The following RBFOX1 variants were observed in gnomAD, a reference collection of about 807,000 sequenced individuals.
The protein encoded by RBFOX1 is RNA binding fox-1 homolog 1.
In RBFOX1, 8 loss-of-function variants were observed where a neutral mutation model predicts 57.7. The ratio of observed to expected loss-of-function variants is 0.14; its 90% CI spans 0.08 to 0.25. RBFOX1 has a LOEUF of 0.25. Among genes scored for constraint, RBFOX1 ranks in the 10% least tolerant of loss-of-function variants. The pLI, the probability that RBFOX1 is intolerant of heterozygous loss-of-function variation, is 1.00. For synonymous variants in RBFOX1, 326 were observed against 222.4 expected (o/e 1.47, Z -4.15); for missense variants, 611 against 548.5 (o/e 1.11, Z -1.14).
chr16:5,675,484 A>G (rs1296445989), intron 3 of RBFOX1, among the ~76,000 whole-genome samples: 2 of 152,178 alleles, frequency 1.3e-5, no homozygotes, highest in Non-Finnish European at 2.9e-5. Context: ...GAAGAAGACA[A>G]TTGCTCCCCA....
intron 1 of RBFOX1, among the ~76,000 whole-genome samples, chr16:5,380,936 C>T (rs536970536): frequency 6.6e-6 from 1 of 152,324 alleles, no homozygotes; most frequent in African/African-American, 2.4e-5. Context: ...CCTTTTTATG[C>T]ACTAAAATGG....
chr16:6,999,216 A>ATTTTTTTTTTTTTTTTTT (rs374767232), intron 3 of RBFOX1, among the ~76,000 whole-genome samples: 15 of 109,024 alleles, frequency 1.4e-4, no homozygotes, highest in South Asian at 5.4e-4. Context: ...ATTTTTATTT[A>ATTTTTTTTTTTTTTTTTT]TTTTTTTTAT....
intron 2 of RBFOX1, among the ~76,000 whole-genome samples, chr16:6,405,125 G>T (rs1230125588): frequency 2.0e-5 from 3 of 152,132 alleles, no homozygotes; most frequent in East Asian, 3.9e-4. Context: ...TGTAAAATTT[G>T]CACTCTACTC....
intron 4 of RBFOX1, among the ~76,000 whole-genome samples, chr16:7,445,810 C>G (rs2098803422): frequency 6.6e-6 from 1 of 152,172 alleles, no homozygotes; most frequent in Non-Finnish European, 1.5e-5. Flanking sequence ...TCTACAACAA[C>G]AAATATTTAT....
At chr16:7,135,823 G>C (rs1311270460) in intron 4 of RBFOX1, among the ~76,000 whole-genome samples, 1 of 152,178 alleles carries the variant, frequency 6.6e-6, no homozygotes, top group Admixed American at 6.5e-5. Context: ...TAGTCTTTTT[G>C]ACTGCAGATT....
chr16:7,206,462 AATATGCGTGTGTGCATATAT>A (rs2089993087), intron 4 of RBFOX1, among the ~76,000 whole-genome samples: 1 of 150,578 alleles, frequency 6.6e-6, no homozygotes, highest in Non-Finnish European at 1.5e-5. Context: ...TAATATATAT[AATATGCGTGTGTGCATATAT>A]ATATGCACAC....
At chr16:6,596,065 T>G (rs534133167) in intron 2 of RBFOX1, among the ~76,000 whole-genome samples, 6 of 152,214 alleles carry the variant, frequency 3.9e-5, no homozygotes, top group Non-Finnish European at 8.8e-5. Context: ...TCTGTTTCAT[T>G]CTGTGGATTT....
chr16:6,466,222 T>A (rs2095047215), intron 2 of RBFOX1, among the ~76,000 whole-genome samples: 1 of 145,636 alleles, frequency 6.9e-6, no homozygotes, highest in Non-Finnish European at 1.5e-5. Flanking sequence ...AGATTAAAAC[T>A]CTATCTCAAA....
At chr16:5,749,419 C>G (rs1210165093) in intron 3 of RBFOX1, among the ~76,000 whole-genome samples, 1 of 152,120 alleles carries the variant, frequency 6.6e-6, no homozygotes, top group Non-Finnish European at 1.5e-5. Context: ...GCCTGCCATG[C>G]TAGGTTGGGG....
intron 4 of RBFOX1, among the ~76,000 whole-genome samples, chr16:7,417,568 C>T (rs1200219486): frequency 2.5e-5 from 3 of 120,384 alleles, no homozygotes; most frequent in Admixed American, 8.6e-5. Context: ...GTGTTCACTT[C>T]TCTGCAATGT....
intron 4 of RBFOX1, among the ~76,000 whole-genome samples, chr16:5,943,439 T>G (rs972569337): frequency 6.6e-6 from 1 of 152,174 alleles, no homozygotes; most frequent in African/African-American, 2.4e-5. Flanking sequence ...AGGAAACATT[T>G]CTGGGTCAAA....
chr16:6,274,745 G>A (rs1172801105), intron 1 of RBFOX1, among the ~76,000 whole-genome samples: 6 of 152,126 alleles, frequency 3.9e-5, no homozygotes, highest in Non-Finnish European at 8.8e-5. Context: ...TATGAATCTA[G>A]AATTATCTCA....
At chr16:6,684,620 G>C (rs2059155850) in intron 3 of RBFOX1, among the ~76,000 whole-genome samples, 1 of 152,104 alleles carries the variant, frequency 6.6e-6, no homozygotes, top group Admixed American at 6.6e-5. Flanking sequence ...TGAGATGAGG[G>C]GACAGCCACT....
chr16:6,530,370 A>T (rs1387044987), intron 2 of RBFOX1, among the ~76,000 whole-genome samples: 2 of 152,174 alleles, frequency 1.3e-5, no homozygotes, highest in African/African-American at 4.8e-5. Context: ...AGCTTGAGCC[A>T]GTTTGGTGCT....
chr16:6,646,775 G>T (rs905311714), intron 2 of RBFOX1, among the ~76,000 whole-genome samples: 2 of 152,096 alleles, frequency 1.3e-5, no homozygotes, highest in African/African-American at 4.8e-5. Context: ...TCCCGTTTCT[G>T]TTTAGGTTGC....
At chr16:7,226,296 CG>C (rs2093115699) in intron 4 of RBFOX1, among the ~76,000 whole-genome samples, 1 of 152,168 alleles carries the variant, frequency 6.6e-6, no homozygotes, top group Admixed American at 6.5e-5. Flanking sequence ...CTACAAGCTA[CG>C]GAGTTCTCTG....
intron 4 of RBFOX1, among the ~76,000 whole-genome samples, chr16:7,102,021 A>G (rs1017229324): frequency 2.6e-5 from 4 of 152,160 alleles, no homozygotes; most frequent in Non-Finnish European, 5.9e-5. Context: ...CCAAATTTAC[A>G]TAAGCTACCA....
At chr16:7,003,178 G>C (rs1035681751) in intron 3 of RBFOX1, among the ~76,000 whole-genome samples, 1 of 152,022 alleles carries the variant, frequency 6.6e-6, no homozygotes, top group Non-Finnish European at 1.5e-5. Flanking sequence ...AGGAGTTTCT[G>C]GGCCAGGCAC....
chr16:6,531,129 C>T (rs757361080), intron 2 of RBFOX1, among the ~76,000 whole-genome samples: 7 of 152,148 alleles, frequency 4.6e-5, no homozygotes, highest in South Asian at 2.1e-4. Context: ...TTACCATGCC[C>T]AGTAGTAGGA....
Sources: gnomAD v4.1 joint callset for allele counts (sites outside exome capture counted in the v4.1 genomes callset) on GRCh38, gnomAD v4.1.1 for gene constraint, MANE v1.5 for transcripts, NCBI Gene and HGNC (gene_info 2026-07-23, HGNC 2026-07-21) for gene names.